Variants in MEIS1 observed in about 807,000 individuals in gnomAD.
MEIS1 encodes homeobox protein Meis1.
In MEIS1, 5 loss-of-function variants were observed where a neutral mutation model predicts 50.8. That is an observed-to-expected ratio of 0.10 (90% CI 0.05 to 0.21). The LOEUF is 0.21. MEIS1 is among the 10% of genes least tolerant of loss of function. The pLI is 1.00. For synonymous variants in MEIS1, 176 were observed against 179.3 expected, an observed-to-expected ratio of 0.98 and a Z score of 0.15; for missense variants, 318 against 517.3, an observed-to-expected ratio of 0.61 and a Z score of 3.74.
chr2:66,451,113 C>G (rs1173747829), intron 6 of MEIS1, among the ~76,000 whole-genome samples: 11 of 152,074 alleles, frequency 7.2e-5, no homozygotes, highest in Admixed American at 7.2e-4. Context: ...ATATTCCCAA[C>G]CTGTGCTTTA....
In MEIS1 at chr2:66,558,170, T is replaced by C. The variant is rs545309293; in HGVS notation, c.966-9283T>C. On this transcript the variant is annotated intron_variant, in intron 9 of 12. Transcript: ENST00000272369. ...GGTGCATGCCTGTAATCCCAGCTAC[T>C]TGGGAGACTGAGGCAGGAGAATCGC... Among the ~76,000 whole-genome samples the C allele has an allele frequency of 2.0e-5, 3 of 149,486 alleles. No homozygotes were observed. The East Asian group carries it at 5.9e-4, about 29-fold the overall frequency.
At chr2:66,447,123 G>T (rs1263543530) in intron 6 of MEIS1, among the ~76,000 whole-genome samples, 1 of 152,204 alleles carries the variant, frequency 6.6e-6, no homozygotes, top group African/African-American at 2.4e-5. Context: ...GATGGGATCT[G>T]CTGCTTTAGA....
chr2:66,478,006 C>A (rs569078151), intron 7 of MEIS1, among the ~76,000 whole-genome samples: 7 of 152,270 alleles, frequency 4.6e-5, no homozygotes, highest in African/African-American at 1.7e-4. Context: ...ATTTATTTGG[C>A]TAAAAACACT....
At chr2:66,463,394 C>T (rs771739130) in intron 6 of MEIS1, among the ~76,000 whole-genome samples, 6 of 151,980 alleles carry the variant, frequency 3.9e-5, no homozygotes, top group Non-Finnish European at 7.4e-5. Flanking sequence ...AGAGGTGTCG[C>T]CATGATTGTT....
chr2:66,494,973 G>A (rs1376573286), intron 7 of MEIS1, among the ~76,000 whole-genome samples: 1 of 151,740 alleles, frequency 6.6e-6, no homozygotes, highest in African/African-American at 2.4e-5. Context: ...TGACCATCTG[G>A]AAATTTGCCC....
At chr2:66,524,847 T>A (rs1176374561) in intron 8 of MEIS1, among the ~76,000 whole-genome samples, 2 of 152,270 alleles carry the variant, frequency 1.3e-5, no homozygotes, top group East Asian at 3.9e-4. Flanking sequence ...AAAGTGAAAG[T>A]CTATCACCTG....
At chr2:66,560,504 C>T (rs749928021) in intron 9 of MEIS1, among the ~76,000 whole-genome samples, 6 of 150,664 alleles carry the variant, frequency 4.0e-5, no homozygotes, top group Non-Finnish European at 7.4e-5. Context: ...GAGGATCACT[C>T]GAGCCAGGGA....
At chr2:66,492,998 T>TA (rs1673309199) in intron 7 of MEIS1, among the ~76,000 whole-genome samples, 1 of 152,190 alleles carries the variant, frequency 6.6e-6, no homozygotes, top group African/African-American at 2.4e-5. Flanking sequence ...AGGAAGCTGA[T>TA]ACCCCACTCA....
intron 9 of MEIS1, among the ~76,000 whole-genome samples, chr2:66,556,173 T>C (rs1675059998): frequency 6.6e-6 from 1 of 152,232 alleles, no homozygotes; most frequent in Non-Finnish European, 1.5e-5. Flanking sequence ...TTTTCATTCT[T>C]ACAACGCTCT....
At chr2:66,566,963 C>T (rs115610217) in intron 9 of MEIS1, among the ~76,000 whole-genome samples, 3,593 of 152,218 alleles carry the variant, frequency 0.024, 52 homozygotes, top group Middle Eastern at 0.034. Context: ...AGTTCATTAT[C>T]TTAATAGTGG....
Position 66,447,696 on chromosome 2 carries a change from C to T in MEIS1, c.630+4648C>T, listed in dbSNP as rs147170944. ...ATTCTTAATAGGGACACTTTTAAAA[C>T]ATTCTAGAAAAAACAAGGGGAAAAA... On this transcript the variant is annotated intron_variant, in intron 6 of 12. Transcript: ENST00000272369. Among the ~76,000 whole-genome samples, 6 of 152,236 alleles carry T rather than the reference C, an allele frequency of 3.9e-5. No homozygotes were observed. In the East Asian group the frequency reaches 1.2e-3, roughly 29 times the overall value.
intron 6 of MEIS1, among the ~76,000 whole-genome samples, chr2:66,462,858 A>G (rs1181867009): frequency 6.6e-6 from 1 of 152,114 alleles, no homozygotes; most frequent in Non-Finnish European, 1.5e-5. Context: ...CTATGACTTT[A>G]TTTTCATTTT....
intron 7 of MEIS1, among the ~76,000 whole-genome samples, chr2:66,490,407 T>A (rs774469673): frequency 2.0e-5 from 3 of 152,176 alleles, no homozygotes; most frequent in Non-Finnish European, 4.4e-5. Flanking sequence ...TTGACATGGA[T>A]ACCTGTTTGG....
chr2:66,561,502 G>T, intron 9 of MEIS1, among the ~76,000 whole-genome samples: 1 of 152,190 alleles, frequency 6.6e-6, no homozygotes, highest in Non-Finnish European at 1.5e-5. Context: ...ATTGAATAAA[G>T]AATAGTATAT....
chr2:66,464,173 C>T lies in MEIS1; in HGVS notation c.695C>T (p.Ser232Phe). 3 of 1,605,468 alleles carry T rather than the reference C, an allele frequency of 1.9e-6. No homozygotes were observed. Among genetic ancestry groups the T allele is most frequent in the African/African-American group, 1.3e-5 (1 of 74,904 alleles). The change falls in exon 7 of 13, where the codon TCC (serine) becomes TTC (phenylalanine). Residue 232 changes from serine (S) to phenylalanine (F), a missense_variant. Ser to Phe is a radical substitution (Grantham distance 155). Transcript: ENST00000272369. Reference sequence around the variant, plus strand: ...CGTTCAGGAGGAACCCCAGGCCCTTCCAGCGGTGGCCACACGTCACACAGT... The same window carrying T: ...CGTTCAGGAGGAACCCCAGGCCCTTTCAGCGGTGGCCACACGTCACACAGT... ...STRSGGTPGP[S>F]SGGHTSHSGD...
chr2:66,553,888 C>G lies in MEIS1; in HGVS notation c.965+5869C>G, dbSNP rs185525077. Among the ~76,000 whole-genome samples the G allele has an allele frequency of 5.3e-5, 8 of 152,284 alleles. No individual in the cohort carries two copies. The East Asian group carries it at 1.5e-3, about 29-fold the overall frequency. On this transcript the variant is annotated intron_variant, in intron 9 of 12. Transcript: ENST00000272369. ...AGTACACTTTGAAACACTGTGCTGGCTGGAAAAACCCTGCCCCTTCCACCA... is the reference window on the plus strand; with the variant it reads ...AGTACACTTTGAAACACTGTGCTGGGTGGAAAAACCCTGCCCCTTCCACCA...
intron 8 of MEIS1, among the ~76,000 whole-genome samples, chr2:66,536,891 T>C (rs1674532639): frequency 6.6e-6 from 1 of 152,220 alleles, no homozygotes; most frequent in Admixed American, 6.5e-5. Context: ...TCTCTCTCTC[T>C]CTCTGGCATT....
chr2:66,504,169 T>C (rs1165879215), intron 7 of MEIS1, among the ~76,000 whole-genome samples: 1 of 152,138 alleles, frequency 6.6e-6, no homozygotes, highest in African/African-American at 2.4e-5. Flanking sequence ...GTTTCTGTGA[T>C]GTCAGGAGTC....
At chr2:66,522,392 A>G (rs1204342675) in intron 8 of MEIS1, among the ~76,000 whole-genome samples, 1 of 152,170 alleles carries the variant, frequency 6.6e-6, no homozygotes, top group Non-Finnish European at 1.5e-5. Flanking sequence ...CCATTTGGTT[A>G]TGGTTCTATT....
Sources: allele counts gnomAD v4.1 joint callset (sites outside exome capture counted in the v4.1 genomes callset), GRCh38; gene constraint gnomAD v4.1.1; transcripts MANE v1.5; gene names NCBI Gene and HGNC (gene_info 2026-07-23, HGNC 2026-07-21).